The following DNAH9 variants were observed in gnomAD, a reference collection of about 807,000 sequenced individuals.
The protein encoded by DNAH9 is DNAH9 variant protein.
A neutral mutation model predicts 471.6 loss-of-function variants in DNAH9; 345 were observed. The observed-to-expected ratio is 0.73, with a 90% CI of 0.67 to 0.80. The LOEUF (loss-of-function observed/expected upper bound fraction) is 0.80. Ranked by LOEUF, DNAH9 falls within the 30% of genes least tolerant of loss-of-function variation. DNAH9 has a pLI of 0.00. For synonymous variants in DNAH9, 2,093 were observed against 2,123.6 expected (o/e 0.99, Z 0.40); for missense variants, 5,407 against 5,609.2 (o/e 0.96, Z 1.15).
intron 5 of DNAH9, among the ~76,000 whole-genome samples, chr17:11,617,917 G>A (rs1341371850): frequency 6.6e-6 from 1 of 152,192 alleles, no homozygotes; most frequent in Admixed American, 6.5e-5. Flanking sequence ...GACTGGTAAT[G>A]AGTCAGCAGC....
chr17:11,732,136 A>T (rs541438862), intron 28 of DNAH9, among the ~76,000 whole-genome samples: 1 of 152,340 alleles, frequency 6.6e-6, no homozygotes, highest in Non-Finnish European at 1.5e-5. Context: ...TGGATAGTAG[A>T]TAGACACTGA....
chr17:11,961,746 A>G (rs1029922661), intron 67 of DNAH9, 121 bp from the exon 68 acceptor site: 6 of 1,202,384 alleles, frequency 5.0e-6, no homozygotes, highest in Non-Finnish European at 7.0e-6. Flanking sequence ...TTCAAATGAC[A>G]TGAACAAGGA....
intron 49 of DNAH9, among the ~76,000 whole-genome samples, chr17:11,839,265 C>T (rs1970947836): frequency 6.6e-6 from 1 of 152,132 alleles, no homozygotes; most frequent in Non-Finnish European, 1.5e-5. Context: ...GCCTGTAATC[C>T]CAGCACTTTG....
chr17:11,809,227 C>G (rs1969799193), intron 44 of DNAH9, among the ~76,000 whole-genome samples: 1 of 151,632 alleles, frequency 6.6e-6, no homozygotes, highest in African/African-American at 2.4e-5. Flanking sequence ...GTGTGTTGCC[C>G]CAGTATATTT....
chr17:11,830,220 G>T (rs922577836), intron 48 of DNAH9, among the ~76,000 whole-genome samples: 3 of 152,158 alleles, frequency 2.0e-5, no homozygotes, highest in Admixed American at 6.5e-5. Context: ...GGCATTGCCT[G>T]GTCCCCCTTT....
chr17:11,918,841 C>T (rs1416183166), intron 61 of DNAH9, among the ~76,000 whole-genome samples: 1 of 151,972 alleles, frequency 6.6e-6, no homozygotes, highest in Non-Finnish European at 1.5e-5. Flanking sequence ...CAAAAATTAG[C>T]CGGGAGTGGT....
intron 67 of DNAH9, among the ~76,000 whole-genome samples, chr17:11,945,515 G>A (rs1468410603): frequency 6.7e-6 from 1 of 149,462 alleles, no homozygotes; most frequent in Admixed American, 6.7e-5. Context: ...TCCAGCCTGG[G>A]TGACAGAGAG....
At chr17:11,823,413 C>T (rs755666174) in intron 48 of DNAH9, among the ~76,000 whole-genome samples, 6 of 152,146 alleles carry the variant, frequency 3.9e-5, no homozygotes, top group Non-Finnish European at 5.9e-5. Flanking sequence ...GCAATTTCTT[C>T]GTTTTCCTCT....
chr17:11,861,771 G>A (rs2150977852), intron 50 of DNAH9, among the ~76,000 whole-genome samples: 1 of 152,192 alleles, frequency 6.6e-6, no homozygotes. Context: ...TTCTCTGATG[G>A]CCAGTGATGG....
At chr17:11,949,547 T>C (rs1445548866) in intron 67 of DNAH9, among the ~76,000 whole-genome samples, 4 of 151,886 alleles carry the variant, frequency 2.6e-5, no homozygotes, top group African/African-American at 9.7e-5. Flanking sequence ...AATGGCGCAA[T>C]CTCAGCTCAC....
In DNAH9 at chr17:11,762,770, G is replaced by GTTTTTGTTTTT. The variant is rs1967747976; in HGVS notation, c.6996-665_6996-664insGTTTTTTTTTT. On this transcript the variant is annotated intron_variant, in intron 35 of 68. Transcript: ENST00000262442. ...CCTCTTTAGGTGCGTTTTTTTTTTT[G>GTTTTTGTTTTT]TTTTTTTTTTTTTTTTTTTTTTTTT... is the stretch of plus-strand genomic sequence containing the variant. Among the ~76,000 whole-genome samples the GTTTTTGTTTTT allele has an allele frequency of 2.2e-5, 2 of 90,744 alleles. 1 individual carries two copies. The highest frequency in any genetic ancestry group is 4.4e-5 in the Non-Finnish European group (2 of 45,774). 59.5% of individuals were successfully genotyped at this position (90,744 alleles called of 152,430 possible).
intron 14 of DNAH9, among the ~76,000 whole-genome samples, chr17:11,658,611 C>T (rs2073697663): frequency 6.6e-6 from 1 of 151,980 alleles, no homozygotes; most frequent in African/African-American, 2.4e-5. Context: ...TGGTAATTCA[C>T]CATTAAATTT....
chr17:11,606,065 G>T (rs963447216), intron 1 of DNAH9, among the ~76,000 whole-genome samples: 6 of 152,110 alleles, frequency 3.9e-5, no homozygotes, highest in Non-Finnish European at 8.8e-5. Flanking sequence ...TCTGCCCTGG[G>T]TTCAAATGGT....
At chr17:11,848,095 C>T (rs1971289486) in intron 49 of DNAH9, among the ~76,000 whole-genome samples, 1 of 151,024 alleles carries the variant, frequency 6.6e-6, no homozygotes, top group South Asian at 2.1e-4. Flanking sequence ...AATGTACTCT[C>T]TCGTAGGTCT....
chr17:11,754,651 TTC>T (rs1597596709), intron 33 of DNAH9, among the ~76,000 whole-genome samples: 2 of 152,222 alleles, frequency 1.3e-5, no homozygotes, highest in East Asian at 3.8e-4. Context: ...TCTGTTCATG[TTC>T]TTTGTCCACT....
chr17:11,836,455 C>T (rs1195563479), intron 49 of DNAH9, among the ~76,000 whole-genome samples: 1 of 152,100 alleles, frequency 6.6e-6, no homozygotes, highest in Non-Finnish European at 1.5e-5. Flanking sequence ...CTTAAATGAG[C>T]CTCTACTGCA....
intron 33 of DNAH9, among the ~76,000 whole-genome samples, 172 bp from the exon 34 acceptor site, chr17:11,756,396 A>G (rs1479448594): frequency 6.6e-6 from 1 of 152,160 alleles, no homozygotes; most frequent in Non-Finnish European, 1.5e-5. Flanking sequence ...ACACATGGGA[A>G]TTATGGGAGC....
intron 68 of DNAH9, among the ~76,000 whole-genome samples, chr17:11,966,649 ATAAATCTG>A (rs1976750278): frequency 6.6e-6 from 1 of 152,262 alleles, no homozygotes; most frequent in Non-Finnish European, 1.5e-5. Context: ...GGAAATAATT[ATAAATCTG>A]TGTTGATGGA....
rs1453213330 is a variant in DNAH9, at chr17:11,619,529, T to G, written c.1117-19T>G. 1 of 1,452,346 alleles carries G rather than the reference T, an allele frequency of 6.9e-7. No individual in the cohort carries two copies. Among genetic ancestry groups the G allele is most frequent in the Non-Finnish European group, 9.7e-7 (1 of 1,032,892 alleles). The allele number at this position is 1,452,346 out of a possible 1,614,324, so 90.0% of individuals were successfully genotyped here. A position where few individuals can be genotyped will look rare whatever the true frequency, so the allele number is the denominator to read the frequency against. On this transcript the variant is annotated intron_variant, in intron 5 of 68. Coordinates refer to ENST00000262442, the MANE Select transcript of DNAH9 (RefSeq NM_001372.4). The stretch of plus-strand genomic sequence containing the variant: ...GATGTCTGCACCTGCTCAGTGATAC[T>G]AATCTGTTTGTATACCAGGCCTCTA...
Sources: gnomAD v4.1 joint callset for allele counts (sites outside exome capture counted in the v4.1 genomes callset) on GRCh38, gnomAD v4.1.1 for gene constraint, MANE v1.5 for transcripts, NCBI Gene and HGNC (gene_info 2026-07-23, HGNC 2026-07-21) for gene names.